The following FRMPD4 variants were observed in gnomAD, a reference collection of about 807,000 sequenced individuals.
The protein encoded by FRMPD4 is FERM and PDZ domain-containing protein 4.
In FRMPD4, 22 loss-of-function variants were observed where a neutral mutation model predicts 94.1. The ratio of observed to expected loss-of-function variants is 0.23; its 90% CI spans 0.17 to 0.33. The LOEUF (loss-of-function observed/expected upper bound fraction) is 0.33, where lower values mean the gene tolerates loss of function less well. FRMPD4 is among the 10% of genes least tolerant of loss of function. The pLI, the probability that FRMPD4 is intolerant of heterozygous loss-of-function variation, is 1.00. For synonymous variants in FRMPD4, 631 were observed against 548.6 expected (o/e 1.15, Z -2.10); for missense variants, 1,111 against 1,339.9 (o/e 0.83, Z 2.67).
chrX:12,705,196 C>T (rs1569064700), intron 11 of FRMPD4, among the ~76,000 whole-genome samples: 1 of 111,966 alleles, frequency 8.9e-6, no homozygotes, highest in African/African-American at 3.2e-5. Context: ...TCTTTTTATG[C>T]TTTTGTTTTT....
At chrX:11,833,979 C>A (rs2053488730) in intron 1 of FRMPD4, among the ~76,000 whole-genome samples, 1 of 111,665 alleles carries the variant, frequency 9.0e-6, no homozygotes, top group Non-Finnish European at 1.9e-5. Context: ...AACAAAGATC[C>A]CTCTGAACTG....
At chrX:11,862,971 T>TTG (rs1336874069) in intron 1 of FRMPD4, among the ~76,000 whole-genome samples, 2 of 99,242 alleles carry the variant, frequency 2.0e-5, no homozygotes, top group African/African-American at 3.8e-5. Flanking sequence ...TTTTTTTTTT[T>TTG]TTTTTTTTTT....
chrX:12,139,974 T>A (rs2055667954), intron 1 of FRMPD4, among the ~76,000 whole-genome samples: 1 of 112,297 alleles, frequency 8.9e-6, no homozygotes, highest in Non-Finnish European at 1.9e-5. Flanking sequence ...GACAGAATAA[T>A]CCCAGGTTTT....
At chrX:12,613,134 G>A (rs2059199366) in intron 3 of FRMPD4, among the ~76,000 whole-genome samples, 1 of 112,001 alleles carries the variant, frequency 8.9e-6, no homozygotes, top group African/African-American at 3.2e-5. Context: ...TCAGACCTGT[G>A]GAAATATAGT....
intron 3 of FRMPD4, among the ~76,000 whole-genome samples, chrX:12,100,036 C>T (rs2055240980): frequency 8.9e-6 from 1 of 112,283 alleles, no homozygotes; most frequent in African/African-American, 3.2e-5. Context: ...CCTAGAATTG[C>T]TTTTGTGCTA....
intron 5 of FRMPD4, among the ~76,000 whole-genome samples, chrX:12,679,367 G>C (rs2059939996): frequency 8.9e-6 from 1 of 111,922 alleles, no homozygotes; most frequent in African/African-American, 3.3e-5. Flanking sequence ...GGTCATATGA[G>C]AGGGAGCACC....
chrX:12,159,748 G>C (rs2055992634), intron 1 of FRMPD4, among the ~76,000 whole-genome samples: 1 of 112,162 alleles, frequency 8.9e-6, no homozygotes, highest in African/African-American at 3.2e-5. Flanking sequence ...CAATGGGTGA[G>C]AGACACAACA....
intron 1 of FRMPD4, among the ~76,000 whole-genome samples, chrX:12,474,088 A>C (rs928635898): frequency 2.2e-4 from 24 of 110,391 alleles, no homozygotes; most frequent in Non-Finnish European, 4.1e-4. Context: ...AGCAAATGTA[A>C]AAGAACAGAA....
At chrX:12,524,116 C>T (rs979232133) in intron 2 of FRMPD4, among the ~76,000 whole-genome samples, 10 of 111,989 alleles carry the variant, frequency 8.9e-5, no homozygotes, top group African/African-American at 3.2e-4. Context: ...GATTGTGCCC[C>T]TGCACCCCAG....
intron 3 of FRMPD4, among the ~76,000 whole-genome samples, chrX:11,926,027 T>C (rs2054085788): frequency 1.8e-5 from 2 of 109,676 alleles, no homozygotes; most frequent in African/African-American, 3.3e-5. Flanking sequence ...AAGATTCAAA[T>C]AAACACAAAA....
At chrX:11,839,722 A>G (rs1302471450) in intron 1 of FRMPD4, among the ~76,000 whole-genome samples, 1 of 111,409 alleles carries the variant, frequency 9.0e-6, no homozygotes, top group Admixed American at 9.6e-5. Flanking sequence ...CATGTGTGGT[A>G]TGTGGTAAGC....
chrX:12,530,913 T>A (rs900634787), intron 2 of FRMPD4, among the ~76,000 whole-genome samples: 8 of 111,093 alleles, frequency 7.2e-5, no homozygotes, highest in Middle Eastern at 4.7e-3. Context: ...CAGTGGGTGG[T>A]TAGATGTGTG....
At chrX:12,685,396 G>A (rs1248173224) in intron 6 of FRMPD4, among the ~76,000 whole-genome samples, 2 of 111,365 alleles carry the variant, frequency 1.8e-5, no homozygotes, top group Non-Finnish European at 3.8e-5. Flanking sequence ...TCCAATGAAA[G>A]AAAAAATGCA....
rs5934030 is a variant in FRMPD4, at chrX:12,701,630, A to G, written c.934-244A>G. The stretch of plus-strand genomic sequence containing the variant: ...TAAATTCCTAATTGTTTTTACAAAA[A>G]GCTAAATATTTAAATAGCAGCTCGT... On this transcript the variant is annotated intron_variant, in intron 9 of 16. Transcript: ENST00000675598. Among the ~76,000 whole-genome samples, 30,756 of 111,341 alleles carry G rather than the reference A, an allele frequency of 0.28. 3,070 individuals are homozygous for G. Among genetic ancestry groups the G allele is most frequent in the Middle Eastern group, 0.3 (66 of 217 alleles).
intron 3 of FRMPD4, among the ~76,000 whole-genome samples, chrX:12,053,173 A>G (rs1339285605): frequency 9.2e-6 from 1 of 108,637 alleles, no homozygotes; most frequent in African/African-American, 3.4e-5. Context: ...CCCCTTCTCT[A>G]ATAAAAATAC....
intron 1 of FRMPD4, among the ~76,000 whole-genome samples, chrX:12,269,280 C>T (rs1465943808): frequency 1.8e-5 from 2 of 110,747 alleles, no homozygotes; most frequent in South Asian, 3.9e-4. Flanking sequence ...GAAACCACAC[C>T]GCTTGGCTCA....
intron 1 of FRMPD4, among the ~76,000 whole-genome samples, chrX:12,452,054 C>T (rs760289710): frequency 2.7e-5 from 3 of 110,565 alleles, no homozygotes; most frequent in African/African-American, 6.6e-5. Context: ...TTTGCTGACT[C>T]GTTTTTCCTC....
chrX:12,061,031 C>T (rs2054882889), intron 3 of FRMPD4, among the ~76,000 whole-genome samples: 1 of 111,960 alleles, frequency 8.9e-6, no homozygotes, highest in African/African-American at 3.2e-5. Context: ...GGCCTCTATG[C>T]CAAAAGACAG....
chrX:12,111,154 A>C (rs1157585007), intron 3 of FRMPD4, among the ~76,000 whole-genome samples: 1 of 111,821 alleles, frequency 8.9e-6, no homozygotes, highest in African/African-American at 3.3e-5. Flanking sequence ...GCATCACGCT[A>C]CCTGACTTCA....
Sources: allele counts gnomAD v4.1 joint callset (sites outside exome capture counted in the v4.1 genomes callset), GRCh38; gene constraint gnomAD v4.1.1; transcripts MANE v1.5; gene names NCBI Gene and HGNC (gene_info 2026-07-23, HGNC 2026-07-21).